Variants in PTCH1 observed in about 807,000 individuals in gnomAD.
PTCH1 encodes the protein patched 1, also known as protein patched homolog 1.
Under a neutral mutation model 144.6 loss-of-function variants are expected in PTCH1, and 14 were observed. That is an observed-to-expected ratio of 0.10 (90% CI 0.06 to 0.15). The LOEUF (loss-of-function observed/expected upper bound fraction) is 0.15. Ranked by LOEUF, PTCH1 falls within the 10% of genes least tolerant of loss-of-function variation. PTCH1 has a pLI of 1.00. For missense variants in PTCH1, 1,623 were observed against 1,948.3 expected (o/e 0.83, Z 3.14); for synonymous variants, 833 against 793.6 (o/e 1.05, Z -0.83).
intron 3 of PTCH1, 160 bp from the exon 4 acceptor site, chr9:95,482,363 T>G: frequency 1.5e-6 from 1 of 676,080 alleles, no homozygotes; most frequent in Non-Finnish European, 2.5e-6. Context: ...CCAGCAAGCT[T>G]GCTTTAATGA....
In PTCH1 at chr9:95,470,927, C is replaced by A. The variant is rs184172656; in HGVS notation, c.1729-996G>T. ...AAACCCCGTCTCTACTAAAAACACACAAAAAATTAGTTGAGTGTGGTGGCA... is the reference window on the plus strand; with the variant it reads ...AAACCCCGTCTCTACTAAAAACACAAAAAAAATTAGTTGAGTGTGGTGGCA... On this transcript the variant is annotated intron_variant, in intron 12 of 23. Coordinates refer to ENST00000331920, the MANE Select transcript of PTCH1 (RefSeq NM_000264.5). Among the ~76,000 whole-genome samples the A allele has an allele frequency of 4.3e-4, 66 of 152,056 alleles. No homozygotes were observed. The East Asian group carries it at 0.012, about 28-fold the overall frequency.
upstream of PTCH1, among the ~76,000 whole-genome samples, chr9:95,511,170 G>A (rs1009165331): frequency 4.0e-5 from 6 of 150,156 alleles, no homozygotes; most frequent in Admixed American, 1.3e-4. Context: ...GGGGCGCGCC[G>A]GCCACCGGGG....
In PTCH1 at chr9:95,447,086, C is replaced by T. The variant is rs201118928; in HGVS notation, c.4170G>A (p.Gly1390=). The part of the protein sequence containing the change: ...AVHPPPVPGP[G]RNPRGGLCPG... Reference sequence around the variant, plus strand: ...GGCAGAGTCCCCCTCGGGGGTTCCGCCCAGGCCCAGGGACAGGCGGCGGGT... The same window carrying T: ...GGCAGAGTCCCCCTCGGGGGTTCCGTCCAGGCCCAGGGACAGGCGGCGGGT... Residue 1390 remains glycine (G), a synonymous_variant, in exon 23 of 24, where the codon GGG becomes GGA. Transcript: ENST00000331920. 2.5e-5 allele frequency: 40 copies of T among 1,613,954 alleles called. No individual in the cohort carries two copies. Among genetic ancestry groups the T allele is most frequent in the East Asian group, 2.0e-4 (9 of 44,876 alleles).
chr9:95,516,381 TC>T (rs1376036760), intron 1 of PTCH1: 4 of 1,062,314 alleles, frequency 3.8e-6, no homozygotes, highest in East Asian at 7.2e-5. Flanking sequence ...GCGCGGGGCG[TC>T]CCGCGTCCCC....
upstream of PTCH1, among the ~76,000 whole-genome samples, chr9:95,511,186 C>T (rs867747754): frequency 4.7e-5 from 7 of 150,500 alleles, no homozygotes; most frequent in African/African-American, 1.7e-4. Context: ...CGGGGCGGTC[C>T]ACGCGGCTCC....
intron 22 of PTCH1, among the ~76,000 whole-genome samples, chr9:95,448,579 G>A (rs1032031548): frequency 8.5e-5 from 13 of 152,110 alleles, no homozygotes; most frequent in Non-Finnish European, 2.9e-5. Flanking sequence ...CAAAAGCTAT[G>A]GTAAAGTATT....
At chr9:95,447,650 T>C (rs1400544589) in intron 22 of PTCH1, among the ~76,000 whole-genome samples, 199 bp from the exon 23 acceptor site, 1 of 152,172 alleles carries the variant, frequency 6.6e-6, no homozygotes, top group Non-Finnish European at 1.5e-5. Context: ...TGTTTGAAAA[T>C]CCTGTTTCCA....
chr9:95,469,226 A>G (rs1379012983), intron 13 of PTCH1, 73 bp from the exon 14 acceptor site: 1 of 1,588,078 alleles, frequency 6.3e-7, no homozygotes, highest in African/African-American at 1.3e-5. Flanking sequence ...GCCATTTTTC[A>G]CTGTGTACGG....
Position 95,506,374 on chromosome 9 carries a change from CG to C in PTCH1, c.394+32del, listed in dbSNP as rs775521212. The C allele has an allele frequency of 2.2e-5, 36 of 1,604,054 alleles. No individual in the cohort carries two copies. The highest frequency in any genetic ancestry group is 2.2e-4 in the Middle Eastern group (1 of 4,478). On this transcript the variant is annotated intron_variant, in intron 2 of 23. Transcript: ENST00000331920. ...TATCAACCGCGAGGAGGGACCGGGC[CG>C]GGGGCGCGGGCGCCGCGGCGGGCGC... is the stretch of plus-strand genomic sequence containing the variant.
At chr9:95,455,574 G>T (rs1010941920) in intron 19 of PTCH1, among the ~76,000 whole-genome samples, 12 of 152,134 alleles carry the variant, frequency 7.9e-5, no homozygotes, top group Non-Finnish European at 1.5e-4. Flanking sequence ...TTATCTCTTG[G>T]ACTAAAGATT....
upstream of PTCH1, chr9:95,514,088 G>A (rs558791433): frequency 1.3e-5 from 2 of 152,206 alleles, no homozygotes; most frequent in South Asian, 2.1e-4. Context: ...GCTTGAAAGG[G>A]GAATTAGACT....
intron 2 of PTCH1, among the ~76,000 whole-genome samples, chr9:95,500,103 G>A (rs886085616): frequency 6.6e-6 from 1 of 152,068 alleles, no homozygotes; most frequent in African/African-American, 2.4e-5. Context: ...CATTAATCTC[G>A]GCATCAGCTG....
At chr9:95,502,536 C>A (rs1843216324) in intron 2 of PTCH1, among the ~76,000 whole-genome samples, 1 of 152,218 alleles carries the variant, frequency 6.6e-6, no homozygotes, top group Admixed American at 6.5e-5. Flanking sequence ...TATTCTCTAT[C>A]AAACCTCATT....
chr9:95,494,442 G>T (rs1036440038), intron 2 of PTCH1: 39 of 985,364 alleles, frequency 4.0e-5, no homozygotes, highest in Non-Finnish European at 4.6e-5. Flanking sequence ...GCTGTGCACC[G>T]CGCCACCTGA....
intron 2 of PTCH1, among the ~76,000 whole-genome samples, chr9:95,491,012 A>C (rs1842367023): frequency 1.3e-5 from 2 of 152,210 alleles, no homozygotes. Context: ...ATGTATCAAT[A>C]ATACTAATAA....
rs1838251579 is a variant in PTCH1 at position 95,449,382 on chromosome 9, C to G, written c.3550-59G>C. ...TGTCCATTTACCTGCTGGCCACACT[C>G]AAAGCTCAAAGCACGGTATTTTTCA... On this transcript the variant is annotated intron_variant, in intron 21 of 23. Coordinates refer to ENST00000331920, the MANE Select transcript of PTCH1 (RefSeq NM_000264.5). This position sits in a 1 kb window ranked among gnomAD's most constrained non-coding sequence, Gnocchi z 5.3. The G allele has an allele frequency of 6.5e-6, 10 of 1,535,368 alleles. No homozygotes were observed. Among genetic ancestry groups the G allele is most frequent in the African/African-American group, 1.4e-5 (1 of 72,986 alleles).
At chr9:95,491,737 T>C (rs1327485130) in intron 2 of PTCH1, among the ~76,000 whole-genome samples, 1 of 152,194 alleles carries the variant, frequency 6.6e-6, no homozygotes, top group Admixed American at 6.5e-5. Flanking sequence ...ACTAGACAGG[T>C]TGAGCATCCC....
chr9:95,471,837 G>A lies in PTCH1; in HGVS notation c.1729-1906C>T, dbSNP rs1001940480. Among the ~76,000 whole-genome samples the A allele has an allele frequency of 8.5e-5, 13 of 152,156 alleles. No homozygotes were observed. The East Asian group carries it at 1.5e-3, about 18-fold the overall frequency. ...GGCAGATCACCTGAGGTTGGAGTTC[G>A]AGACCAGCCTGACCAACATGGAGAA... On this transcript the variant is annotated intron_variant, in intron 12 of 23. Coordinates refer to ENST00000331920, the MANE Select transcript of PTCH1 (RefSeq NM_000264.5).
intron 2 of PTCH1, among the ~76,000 whole-genome samples, chr9:95,491,301 A>C (rs1842392298): frequency 6.6e-6 from 1 of 152,254 alleles, no homozygotes; most frequent in Admixed American, 6.5e-5. Context: ...GGAAGACCCC[A>C]GCATTGCCAC....
Sources: gnomAD v4.1 joint callset for allele counts (sites outside exome capture counted in the v4.1 genomes callset) on GRCh38, gnomAD v4.1.1 for gene constraint, Gnocchi (gnomAD v3.1) non-coding constraint, MANE v1.5 for transcripts, NCBI Gene and HGNC (gene_info 2026-07-23, HGNC 2026-07-21) for gene names.